The following SERINC5 variants were observed in gnomAD, a reference collection of about 807,000 sequenced individuals.
The protein encoded by SERINC5 is chromosome 5 open reading frame 12.
Under a neutral mutation model 63.1 loss-of-function variants are expected in SERINC5, and 41 were observed. The observed-to-expected ratio is 0.65, with a 90% CI of 0.51 to 0.84. The LOEUF is 0.84. Among genes scored for constraint, SERINC5 ranks in the 40% least tolerant of loss-of-function variants. SERINC5 has a pLI of 0.00. For missense variants in SERINC5, 523 were observed against 573.0 expected (o/e 0.91, Z 0.89); for synonymous variants, 222 against 215.2 (o/e 1.03, Z -0.28).
chr5:80,155,194 A>T (rs1746439237), intron 8 of SERINC5, among the ~76,000 whole-genome samples: 1 of 152,224 alleles, frequency 6.6e-6, no homozygotes, highest in African/African-American at 2.4e-5. Context: ...GGAAGAATTA[A>T]GAAATAGTTC....
chr5:80,186,202 T>C lies in SERINC5; in HGVS notation c.196-8138A>G, dbSNP rs1370229302. ...CCCAGGCTGGAGTACAGTGGTGCGA[T>C]TTCAGCTCACTGCAACCTCTGCCTC... On this transcript the variant is annotated intron_variant, in intron 2 of 11. Coordinates refer to ENST00000507668, the MANE Select transcript of SERINC5 (RefSeq NM_001174072.3). Among the ~76,000 whole-genome samples, 10 of 149,344 alleles carry C rather than the reference T, an allele frequency of 6.7e-5. No individual in the cohort carries two copies. The Admixed American group carries it at 6.7e-4, about 10-fold the overall frequency.
chr5:80,192,772 G>A (rs1482661119), intron 2 of SERINC5, among the ~76,000 whole-genome samples: 2 of 152,138 alleles, frequency 1.3e-5, no homozygotes, highest in Non-Finnish European at 2.9e-5. Flanking sequence ...CAGCCCTGAT[G>A]AGGAGGCAAA....
At chr5:80,135,577 G>A (rs775922621), downstream of SERINC5, among the ~76,000 whole-genome samples, 1 of 152,070 alleles carries the variant, frequency 6.6e-6, no homozygotes, top group African/African-American at 2.4e-5. Flanking sequence ...TCTGAATAAG[G>A]TTTGCAGTGC....
chr5:80,206,415 C>A (rs1160214234), intron 1 of SERINC5, among the ~76,000 whole-genome samples: 3 of 152,168 alleles, frequency 2.0e-5, no homozygotes, highest in Admixed American at 6.5e-5. Flanking sequence ...ATTGTTTGAG[C>A]CCTGTGTCAT....
chr5:80,156,926 G>C (rs1746558018), intron 8 of SERINC5: 1 of 150,816 alleles, frequency 6.6e-6, no homozygotes, highest in Non-Finnish European at 1.5e-5. Flanking sequence ...AAGAATTTTT[G>C]CCATCTTTTC....
chr5:80,196,212 G>A (rs139172254), intron 2 of SERINC5, among the ~76,000 whole-genome samples: 55 of 152,018 alleles, frequency 3.6e-4, no homozygotes, highest in African/African-American at 1.2e-3. Context: ...ATGCACATAT[G>A]GGGATGATCA....
intron 11 of SERINC5, among the ~76,000 whole-genome samples, chr5:80,133,654 G>T (rs35700898): frequency 0.23 from 35,674 of 152,208 alleles, 5,269 homozygotes; most frequent in Admixed American, 0.33. Context: ...AATCTAAGAT[G>T]CTGTAACCGC....
At chr5:80,132,425 T>C (rs1395265728) in intron 11 of SERINC5, among the ~76,000 whole-genome samples, 1 of 152,176 alleles carries the variant, frequency 6.6e-6, no homozygotes, top group Non-Finnish European at 1.5e-5. Flanking sequence ...ATGGTATTTC[T>C]ATATGAACAT....
intron 1 of SERINC5, among the ~76,000 whole-genome samples, chr5:80,236,533 T>C (rs1238297505): frequency 6.6e-6 from 1 of 152,088 alleles, no homozygotes; most frequent in Non-Finnish European, 1.5e-5. Context: ...AAATCTTTTT[T>C]TTTTTTTTTT....
At chr5:80,123,295 T>TG (rs1328149537) in intron 11 of SERINC5, among the ~76,000 whole-genome samples, 3 of 152,182 alleles carry the variant, frequency 2.0e-5, no homozygotes, top group Non-Finnish European at 4.4e-5. Flanking sequence ...TATGTAGAGA[T>TG]GGGGTCTCAC....
Position 80,143,495 on chromosome 5 carries a change from T to C in SERINC5, c.*168A>G. The C allele has an allele frequency of 7.4e-7, 1 of 1,357,172 alleles. No homozygotes were observed. Among genetic ancestry groups the C allele is most frequent in the Non-Finnish European group, 9.5e-7 (1 of 1,057,858 alleles). The allele number at this position is 1,357,172 out of a possible 1,614,324, so 84.1% of individuals were successfully genotyped here. A position where few individuals can be genotyped will look rare whatever the true frequency, so the allele number is the denominator to read the frequency against. The stretch of plus-strand genomic sequence containing the variant: ...TTTGGGACAAACTGGTAGTTTCTTT[T>C]TGAATTTCAAAAGTAAAAAGCTAAT... On this transcript the variant is annotated 3_prime_UTR_variant, in exon 12 of 12. Transcript: ENST00000507668.
chr5:80,225,267 C>G (rs1751118822), intron 1 of SERINC5, among the ~76,000 whole-genome samples: 1 of 152,206 alleles, frequency 6.6e-6, no homozygotes, highest in South Asian at 2.1e-4. Flanking sequence ...TATCACAGCC[C>G]TATGCTGTTA....
chr5:80,170,591 T>C (rs1206232782), intron 5 of SERINC5, among the ~76,000 whole-genome samples: 6 of 152,194 alleles, frequency 3.9e-5, no homozygotes, highest in Non-Finnish European at 8.8e-5. Flanking sequence ...CCTACAGACT[T>C]TATTCTAGCT....
chr5:80,235,785 G>A (rs565399394), intron 1 of SERINC5, among the ~76,000 whole-genome samples: 201 of 152,192 alleles, frequency 1.3e-3, no homozygotes, highest in African/African-American at 4.7e-3. Flanking sequence ...TAAATTATAA[G>A]TAAGATTGAG....
intron 11 of SERINC5, 90 bp from the exon 12 acceptor site, chr5:80,143,900 A>G: frequency 7.1e-7 from 1 of 1,415,926 alleles, no homozygotes; most frequent in African/African-American, 1.4e-5. Flanking sequence ...TGTATAATTC[A>G]ACGGCTTTCA....
intron 8 of SERINC5, among the ~76,000 whole-genome samples, chr5:80,153,847 C>A (rs1331429633): frequency 6.6e-6 from 1 of 151,952 alleles, no homozygotes; most frequent in Non-Finnish European, 1.5e-5. Flanking sequence ...TGTTTCCCTG[C>A]AGAACCACTA....
At chr5:80,134,770 C>G (rs1209099924), downstream of SERINC5, among the ~76,000 whole-genome samples, 1 of 152,218 alleles carries the variant, frequency 6.6e-6, no homozygotes, top group East Asian at 1.9e-4. Flanking sequence ...TTCTCAAACC[C>G]TCATGGTTAG....
intron 1 of SERINC5, among the ~76,000 whole-genome samples, chr5:80,237,926 A>C (rs1751773131): frequency 6.6e-6 from 1 of 151,762 alleles, no homozygotes; most frequent in South Asian, 2.1e-4. Context: ...AACATGGTGA[A>C]ACCCCATCTC....
In SERINC5 at chr5:80,130,042, G is replaced by GT. The variant is rs544880071; in HGVS notation, c.1238+16047dup. Among the ~76,000 whole-genome samples, 564 of 152,248 alleles carry GT rather than the reference G, an allele frequency of 3.7e-3. 5 individuals carry two copies. Among genetic ancestry groups the GT allele is most frequent in the African/African-American group, 0.013 (533 of 41,544 alleles). On this transcript the variant is annotated intron_variant, in intron 11 of 12. Coordinates refer to the SERINC5 transcript ENST00000509193. ...TAGTAAGATTGAAGGATAGTTTCAT[G>GT]TTTTTTTGACCAACTGTTTTTCTAT...
Sources: allele counts gnomAD v4.1 joint callset (sites outside exome capture counted in the v4.1 genomes callset), GRCh38; gene constraint gnomAD v4.1.1; transcripts MANE v1.5; gene names NCBI Gene and HGNC (gene_info 2026-07-23, HGNC 2026-07-21).